The following KCNIP4 variants were observed in gnomAD, a reference collection of about 807,000 sequenced individuals.
KCNIP4 encodes potassium voltage-gated channel interacting protein 4.
Under a neutral mutation model 34.0 loss-of-function variants are expected in KCNIP4, and 12 were observed. The ratio of observed to expected loss-of-function variants is 0.35; its 90% CI spans 0.23 to 0.57. The LOEUF (loss-of-function observed/expected upper bound fraction) is 0.57, where lower values mean the gene tolerates loss of function less well. Among genes scored for constraint, KCNIP4 ranks in the 20% least tolerant of loss-of-function variants. The probability of loss-of-function intolerance (pLI) is 0.83; values close to 1 mark genes in which losing one functional copy is unlikely to be tolerated. For synonymous variants in KCNIP4, 124 were observed against 102.2 expected (o/e 1.21, Z -1.29); for missense variants, 238 against 311.7 (o/e 0.76, Z 1.78).
chr4:20,941,523 A>G (rs1731639067), intron 1 of KCNIP4, among the ~76,000 whole-genome samples: 2 of 152,212 alleles, frequency 1.3e-5, no homozygotes, highest in African/African-American at 4.8e-5. Flanking sequence ...GAACTTTTAA[A>G]GGTAGAAATT....
chr4:21,849,569 AT>A (rs1240529972), intron 1 of KCNIP4: 2 of 152,146 alleles, frequency 1.3e-5, no homozygotes, highest in African/African-American at 2.4e-5. Flanking sequence ...AATCCAAAAT[AT>A]TGATCATCAT....
At chr4:21,188,331 T>G (rs1222886471) in intron 1 of KCNIP4, among the ~76,000 whole-genome samples, 1 of 152,138 alleles carries the variant, frequency 6.6e-6, no homozygotes, top group African/African-American at 2.4e-5. Flanking sequence ...TTTACTCACT[T>G]AAACCTCTAA....
At chr4:21,077,332 A>T (rs921166191) in intron 1 of KCNIP4, among the ~76,000 whole-genome samples, 5 of 152,210 alleles carry the variant, frequency 3.3e-5, no homozygotes, top group African/African-American at 1.2e-4. Flanking sequence ...TAAAAGTTAA[A>T]ATATTTGAAG....
chr4:20,882,845 G>A, intron 1 of KCNIP4, 136 bp from the exon 2 acceptor site: 1 of 535,248 alleles, frequency 1.9e-6, no homozygotes. Flanking sequence ...GCAGTGGGTT[G>A]GGACCCCCGA....
chr4:21,304,063 GAGAGAC>G lies in KCNIP4; in HGVS notation c.62-421360_62-421355del, dbSNP rs1174397040. 884 of 362,422 alleles carry G rather than the reference GAGAGAC, an allele frequency of 2.4e-3. 11 individuals are homozygous for G. Among genetic ancestry groups the G allele is most frequent in the African/African-American group, 9.4e-3 (185 of 19,610 alleles). The allele number at this position is 362,422 out of a possible 1,614,324, so 22.5% of individuals were successfully genotyped here. A position where few individuals can be genotyped will look rare whatever the true frequency, so the allele number is the denominator to read the frequency against. ...AGAGAGAGAGAGAGAGAGAGAGAGAGAGAGACAGAGAGAGAGAGAGAGACAGAGAGA... is the reference window on the plus strand; with the variant it reads ...AGAGAGAGAGAGAGAGAGAGAGAGAGAGAGAGAGAGAGAGAGACAGAGAGA... On this transcript the variant is annotated intron_variant, in intron 1 of 8. Transcript: ENST00000382152.
At chr4:21,914,953 C>A (rs1728543468) in intron 1 of KCNIP4, among the ~76,000 whole-genome samples, 1 of 151,624 alleles carries the variant, frequency 6.6e-6, no homozygotes, top group Non-Finnish European at 1.5e-5. Flanking sequence ...ATGAAAGGTT[C>A]TTTTTTTTGG....
At chr4:21,749,806 C>T (rs1717029581) in intron 1 of KCNIP4, among the ~76,000 whole-genome samples, 1 of 152,126 alleles carries the variant, frequency 6.6e-6, no homozygotes, top group African/African-American at 2.4e-5. Flanking sequence ...AGATCCTTGC[C>T]TAAACACCCT....
intron 1 of KCNIP4, among the ~76,000 whole-genome samples, chr4:21,370,800 A>AATAT (rs1173506757): frequency 1.8e-3 from 32 of 17,960 alleles, no homozygotes; most frequent in South Asian, 3.3e-3. Flanking sequence ...CATGGATTGA[A>AATAT]ATATATATAT....
intron 1 of KCNIP4, among the ~76,000 whole-genome samples, chr4:21,482,743 C>T (rs9990766): frequency 3.6e-4 from 55 of 152,174 alleles, no homozygotes; most frequent in African/African-American, 1.3e-3. Flanking sequence ...CTACCCTTAA[C>T]ATTTTTTCCT....
chr4:20,807,832 T>C (rs1338063852), intron 3 of KCNIP4, among the ~76,000 whole-genome samples: 3 of 152,116 alleles, frequency 2.0e-5, no homozygotes, highest in African/African-American at 7.2e-5. Context: ...TAAGATTAAA[T>C]AGAAATCACT....
chr4:21,314,918 T>G (rs1713568974), intron 1 of KCNIP4, among the ~76,000 whole-genome samples: 3 of 152,196 alleles, frequency 2.0e-5, no homozygotes, highest in Non-Finnish European at 4.4e-5. Flanking sequence ...ATTTATAGTT[T>G]TATTTTTATT....
At chr4:21,489,887 T>C (rs1356010353) in intron 1 of KCNIP4, among the ~76,000 whole-genome samples, 2 of 152,288 alleles carry the variant, frequency 1.3e-5, no homozygotes, top group African/African-American at 4.8e-5. Flanking sequence ...AAAAATATGA[T>C]ATCCCAAAGT....
intron 1 of KCNIP4, among the ~76,000 whole-genome samples, chr4:21,308,058 T>C (rs1418273181): frequency 6.6e-6 from 1 of 152,200 alleles, no homozygotes; most frequent in Non-Finnish European, 1.5e-5. Context: ...TAACTACATA[T>C]GCAACTCTTA....
At chr4:20,809,676 G>C (rs191005541) in intron 3 of KCNIP4, among the ~76,000 whole-genome samples, 2 of 152,234 alleles carry the variant, frequency 1.3e-5, no homozygotes, top group Admixed American at 1.3e-4. Context: ...GCATTATCCT[G>C]TTTTCCTATT....
chr4:20,917,883 C>G (rs1729005854), intron 1 of KCNIP4, among the ~76,000 whole-genome samples: 1 of 152,130 alleles, frequency 6.6e-6, no homozygotes, highest in Admixed American at 6.5e-5. Flanking sequence ...GAAGAGATCG[C>G]CATGTTGCAG....
intron 1 of KCNIP4, among the ~76,000 whole-genome samples, chr4:21,834,276 C>A (rs993156966): frequency 6.6e-6 from 1 of 152,054 alleles, no homozygotes; most frequent in Admixed American, 6.6e-5. Flanking sequence ...CTTGAGCAGT[C>A]GTCTGTAGTT....
intron 3 of KCNIP4, among the ~76,000 whole-genome samples, chr4:20,802,929 G>T (rs923296402): frequency 6.6e-6 from 1 of 151,920 alleles, no homozygotes; most frequent in African/African-American, 2.4e-5. Context: ...CAAAAAATTT[G>T]CCGGGCGTGG....
Position 20,784,887 on chromosome 4 carries a change from C to T in KCNIP4, c.289-25997G>A, listed in dbSNP as rs552968701. Among the ~76,000 whole-genome samples the T allele has an allele frequency of 2.0e-4, 31 of 152,090 alleles. No homozygotes were observed. The South Asian group carries it at 3.1e-3, about 15-fold the overall frequency. ...AGGAGAATTAAGAGCTGGGTGACTG[C>T]GAAAGATTTGCAGGGGAGAAAATGG... On this transcript the variant is annotated intron_variant, in intron 3 of 8. Transcript: ENST00000382152.
intron 1 of KCNIP4, among the ~76,000 whole-genome samples, chr4:21,510,599 G>T (rs1469470784): frequency 6.6e-6 from 1 of 152,004 alleles, no homozygotes; most frequent in East Asian, 1.9e-4. Flanking sequence ...GCCATTTACT[G>T]GTTGCTAGTT....
Sources: gnomAD v4.1 joint callset for allele counts (sites outside exome capture counted in the v4.1 genomes callset) on GRCh38, gnomAD v4.1.1 for gene constraint, MANE v1.5 for transcripts, NCBI Gene and HGNC (gene_info 2026-07-23, HGNC 2026-07-21) for gene names.